The following BRD4 variants were observed in gnomAD, a reference collection of about 807,000 sequenced individuals.
The protein encoded by BRD4 is bromodomain-containing protein 4.
Under a neutral mutation model 142.1 loss-of-function variants are expected in BRD4, and 16 were observed. The ratio of observed to expected loss-of-function variants is 0.11; its 90% CI spans 0.08 to 0.17. The LOEUF is 0.17. BRD4 is among the 10% of genes least tolerant of loss of function. BRD4 has a pLI of 1.00. For synonymous variants in BRD4, 833 were observed against 707.5 expected, an observed-to-expected ratio of 1.18 and a Z score of -2.82; for missense variants, 1,424 against 1,810.9, an observed-to-expected ratio of 0.79 and a Z score of 3.88.
chr19:15,258,208 A>C (rs2047433599), intron 7 of BRD4, among the ~76,000 whole-genome samples: 2 of 152,180 alleles, frequency 1.3e-5, no homozygotes, highest in African/African-American at 4.8e-5. Flanking sequence ...TCCCCTCCTG[A>C]TGGCTCAGGA....
chr19:15,282,430 A>C (rs1449063927), intron 1 of BRD4, among the ~76,000 whole-genome samples: 4 of 152,194 alleles, frequency 2.6e-5, no homozygotes, highest in Non-Finnish European at 5.9e-5. Flanking sequence ...GTGGATGACA[A>C]CACCTACTTA....
chr19:15,278,844 TTTC>T (rs2047678089), intron 1 of BRD4, among the ~76,000 whole-genome samples: 1 of 152,204 alleles, frequency 6.6e-6, no homozygotes, highest in African/African-American at 2.4e-5. Flanking sequence ...GCATGCCTGT[TTTC>T]TTTTCTTTTT....
chr19:15,321,975 C>T (rs551993222), intron 1 of BRD4, among the ~76,000 whole-genome samples: 1 of 152,250 alleles, frequency 6.6e-6, no homozygotes, highest in East Asian at 1.9e-4. Context: ...CCAGGACAGT[C>T]ATCATTGGGC....
rs532064227 is a variant in BRD4, at chr19:15,315,160, T to C, written c.-35+17130A>G. On this transcript the variant is annotated intron_variant, in intron 1 of 19. Transcript: ENST00000679869. ...TTCTCTGGACTGGCTTTGTTTTTTT[T>C]TTCCCCCCACAGGTATTCAGAGCCA... 5.2e-3 allele frequency among the ~76,000 whole-genome samples: 793 copies of C among 152,116 alleles called. 15 individuals are homozygous for C. In the South Asian group the frequency reaches 0.068, roughly 13 times the overall value.
At chr19:15,312,017 A>G (rs936648640) in intron 1 of BRD4, among the ~76,000 whole-genome samples, 2 of 152,350 alleles carry the variant, frequency 1.3e-5, no homozygotes, top group East Asian at 3.9e-4. Flanking sequence ...ATATGCATAT[A>G]GTTTACACTG....
intron 1 of BRD4, among the ~76,000 whole-genome samples, chr19:15,323,273 TTATA>T (rs1259490998): frequency 6.6e-6 from 1 of 150,670 alleles, no homozygotes; most frequent in African/African-American, 2.5e-5. Flanking sequence ...GCGCCCTACT[TTATA>T]TATGAAAAAC....
intron 1 of BRD4, among the ~76,000 whole-genome samples, chr19:15,324,862 G>A (rs2048094054): frequency 6.6e-6 from 1 of 152,162 alleles, no homozygotes; most frequent in Non-Finnish European, 1.5e-5. Flanking sequence ...CATTATCACT[G>A]CTCTTAATCT....
At chr19:15,299,701 G>C (rs1249915072) in intron 1 of BRD4, among the ~76,000 whole-genome samples, 9 of 152,158 alleles carry the variant, frequency 5.9e-5, no homozygotes, top group African/African-American at 2.2e-4. Flanking sequence ...TGGATTCCTT[G>C]GTATGACGTT....
In BRD4 at chr19:15,239,891, G is replaced by A. The variant is rs1453918874; in HGVS notation, c.3282+19C>T. The A allele has an allele frequency of 1.2e-6, 2 of 1,614,068 alleles. No individual in the cohort carries two copies. Among genetic ancestry groups the A allele is most frequent in the Admixed American group, 1.7e-5 (1 of 60,022 alleles). On this transcript the variant is annotated intron_variant, in intron 15 of 19. Coordinates refer to ENST00000679869, the MANE Select transcript of BRD4 (RefSeq NM_001379291.1). The surrounding 1 kb of genome is among the most constrained non-coding windows in gnomAD (Gnocchi z 7.4). ...CCCGGCCCTAGCCCACAGGACTATG[G>A]CCCAGCCCTGCCAGTTACCTGTTTC...
intron 1 of BRD4, among the ~76,000 whole-genome samples, chr19:15,300,194 G>A (rs2047856082): frequency 6.6e-6 from 1 of 152,082 alleles, no homozygotes; most frequent in African/African-American, 2.4e-5. Flanking sequence ...GCAGTGAGAC[G>A]TCACAGCCAC....
intron 1 of BRD4, among the ~76,000 whole-genome samples, chr19:15,276,421 C>T (rs928241501): frequency 3.0e-4 from 46 of 152,084 alleles, no homozygotes; most frequent in Admixed American, 1.8e-3. Context: ...ACAAGTCAGC[C>T]AACCCTGTCA....
chr19:15,314,994 A>G (rs978717713), intron 1 of BRD4, among the ~76,000 whole-genome samples: 1 of 152,216 alleles, frequency 6.6e-6, no homozygotes, highest in Non-Finnish European at 1.5e-5. Flanking sequence ...GCTACATGAC[A>G]GGAGTGTAGG....
chr19:15,276,415 G>A (rs570268067), intron 1 of BRD4, among the ~76,000 whole-genome samples: 1 of 145,308 alleles, frequency 6.9e-6, no homozygotes, highest in Admixed American at 6.8e-5. Context: ...CTAACAACAA[G>A]TCAGCCAACC....
intron 1 of BRD4, among the ~76,000 whole-genome samples, chr19:15,283,549 AAAC>A (rs1238742087): frequency 6.6e-6 from 1 of 152,218 alleles, no homozygotes; most frequent in East Asian, 1.9e-4. Context: ...AGTGAAATGC[AAAC>A]AACAATCTGC....
intron 1 of BRD4, among the ~76,000 whole-genome samples, chr19:15,280,927 A>T (rs1599484612): frequency 6.6e-6 from 1 of 152,264 alleles, no homozygotes; most frequent in African/African-American, 2.4e-5. Flanking sequence ...TCCTAGAAAC[A>T]TCTTTGCTGA....
chr19:15,292,650 C>G lies in BRD4; in HGVS notation c.-34-19517G>C, dbSNP rs1451308195. ...AAAATTAGCTGGGCGTGGTGGCGGG[C>G]ACCTGTAGTCCCAGCTACTGAGGAG... is the stretch of plus-strand genomic sequence containing the variant. On this transcript the variant is annotated intron_variant, in intron 1 of 19. Coordinates refer to ENST00000679869, the MANE Select transcript of BRD4 (RefSeq NM_001379291.1). 5.3e-5 allele frequency among the ~76,000 whole-genome samples: 8 copies of G among 151,648 alleles called. No individual in the cohort carries two copies. The East Asian group carries it at 1.6e-3, about 29-fold the overall frequency.
At chr19:15,331,782 G>A (rs898115378) in intron 1 of BRD4, 2 of 150,322 alleles carry the variant, frequency 1.3e-5, no homozygotes, top group African/African-American at 4.9e-5. Flanking sequence ...CCGCCTAGAG[G>A]ACCGCGGACC....
At chr19:15,305,399 G>C (rs1369158547) in intron 1 of BRD4, among the ~76,000 whole-genome samples, 1 of 152,196 alleles carries the variant, frequency 6.6e-6, no homozygotes, top group Admixed American at 6.5e-5. Context: ...ATGGGCTGCT[G>C]TATGGATGTT....
chr19:15,282,283 C>T (rs914392650), intron 1 of BRD4, among the ~76,000 whole-genome samples: 2 of 152,288 alleles, frequency 1.3e-5, no homozygotes, highest in South Asian at 4.1e-4. Context: ...CCATAGATTT[C>T]TAGACTTTGT....
Sources: allele counts gnomAD v4.1 joint callset (sites outside exome capture counted in the v4.1 genomes callset), GRCh38; gene constraint gnomAD v4.1.1; non-coding constraint Gnocchi (gnomAD v3.1); transcripts MANE v1.5; gene names NCBI Gene and HGNC (gene_info 2026-07-23, HGNC 2026-07-21).